Variants in BFSP1 observed in about 807,000 individuals in gnomAD.
BFSP1 encodes beaded filament structural protein 1, also known as filensin.
BFSP1 carries 38 observed loss-of-function variants against 43.9 expected under a neutral mutation model. The ratio of observed to expected loss-of-function variants is 0.87; its 90% CI spans 0.67 to 1.14. BFSP1 has a LOEUF of 1.14. Ranked by LOEUF, BFSP1 falls within the 50% of genes most tolerant of loss-of-function variation. The pLI is 0.00. For missense variants in BFSP1, 850 were observed against 875.1 expected (o/e 0.97, Z 0.36); for synonymous variants, 352 against 354.8 (o/e 0.99, Z 0.09).
intron 1 of BFSP1, among the ~76,000 whole-genome samples, chr20:17,567,730 G>A (rs1043955282): frequency 6.6e-6 from 1 of 151,958 alleles, no homozygotes; most frequent in African/African-American, 2.4e-5. Flanking sequence ...GTGTGGTGGC[G>A]CATGCCTGTA....
At chr20:17,568,901 T>C (rs2035155148) in intron 1 of BFSP1, among the ~76,000 whole-genome samples, 1 of 152,180 alleles carries the variant, frequency 6.6e-6, no homozygotes, top group African/African-American at 2.4e-5. Context: ...CCTAAATTAA[T>C]TTATAAAATT....
At chr20:17,521,673 A>C (rs2034321878) in intron 2 of BFSP1, among the ~76,000 whole-genome samples, 1 of 152,186 alleles carries the variant, frequency 6.6e-6, no homozygotes, top group Non-Finnish European at 1.5e-5. Context: ...CCTGCCCTTG[A>C]GGGACTATTT....
At chr20:17,553,867 A>G (rs2034946036) in intron 1 of BFSP1, among the ~76,000 whole-genome samples, 1 of 134,130 alleles carries the variant, frequency 7.5e-6, no homozygotes, top group African/African-American at 3.0e-5. Flanking sequence ...ATACACATAT[A>G]TATACATATA....
intron 1 of BFSP1, among the ~76,000 whole-genome samples, chr20:17,526,557 G>A (rs192740398): frequency 1.8e-4 from 27 of 152,186 alleles, no homozygotes; most frequent in East Asian, 1.7e-3. Context: ...TTTTGTTTAC[G>A]TATTCCTTTG....
intron 1 of BFSP1, among the ~76,000 whole-genome samples, chr20:17,543,737 T>A (rs932354900): frequency 6.6e-6 from 1 of 152,188 alleles, no homozygotes; most frequent in African/African-American, 2.4e-5. Flanking sequence ...CCAGTGAAGA[T>A]ATGCGAAGCA....
In BFSP1 at chr20:17,496,865, A is replaced by G. The variant is rs2033643120; in HGVS notation, c.1042+73T>C. Reference sequence around the variant, plus strand: ...TGGATCTGAAGCAAGCATGAATGTTAAAGTCAGGAAGAGAGCCGCTTGGTT... The same window carrying G: ...TGGATCTGAAGCAAGCATGAATGTTGAAGTCAGGAAGAGAGCCGCTTGGTT... On this transcript the variant is annotated intron_variant, in intron 7 of 7. Coordinates refer to ENST00000377873, the MANE Select transcript of BFSP1 (RefSeq NM_001195.5). 3 of 1,285,194 alleles carry G rather than the reference A, an allele frequency of 2.3e-6. No individual in the cohort carries two copies. The South Asian group carries it at 4.4e-5, about 19-fold the overall frequency. The allele number at this position is 1,285,194 out of a possible 1,614,324, so 79.6% of individuals were successfully genotyped here.
chr20:17,496,952 C>A lies in BFSP1; in HGVS notation c.1028G>T (p.Gly343Val). ...GGGAGCGTTACCTTTCCCACCGGAT[C>A]CAGTGCTGAGAGAGACTCCATGGCT... Reference protein sequence around the residue: ...TQSHGVSLSTGSGGKDLTRAL... With the variant: ...TQSHGVSLSTVSGGKDLTRAL... The change falls in exon 7 of 8, where the codon GGA (glycine) becomes GTA (valine). Residue 343 changes from glycine to valine, a missense_variant. Physicochemically the swap from Gly to Val is moderately radical, Grantham distance 109. Coordinates refer to ENST00000377873, the MANE Select transcript of BFSP1 (RefSeq NM_001195.5). The A allele has an allele frequency of 6.5e-7, 1 of 1,540,676 alleles. No individual in the cohort carries two copies. Among genetic ancestry groups the A allele is most frequent in the Non-Finnish European group, 8.7e-7 (1 of 1,144,066 alleles).
intron 7 of BFSP1, 62 bp from the exon 8 acceptor site, chr20:17,495,091 C>CGTTGGCACAACCCTTTGATTCAATG: frequency 6.8e-7 from 1 of 1,469,660 alleles, no homozygotes; most frequent in Non-Finnish European, 9.2e-7. Flanking sequence ...AGAAAATACG[C>CGTTGGCACAACCCTTTGATTCAATG]TGGTTGGAAA....
intron 1 of BFSP1, among the ~76,000 whole-genome samples, chr20:17,553,220 G>A (rs974354602): frequency 1.3e-5 from 2 of 152,136 alleles, no homozygotes; most frequent in Non-Finnish European, 2.9e-5. Context: ...TGTATGAGAT[G>A]AGGACTAAGA....
chr20:17,551,199 G>A (rs1336315747), intron 1 of BFSP1, among the ~76,000 whole-genome samples: 2 of 152,204 alleles, frequency 1.3e-5, no homozygotes, highest in Non-Finnish European at 1.5e-5. Flanking sequence ...GGTTCTGCAG[G>A]CTGTACAGGA....
At chr20:17,566,663 CT>C (rs898872792) in intron 1 of BFSP1, among the ~76,000 whole-genome samples, 1 of 151,324 alleles carries the variant, frequency 6.6e-6, no homozygotes, top group African/African-American at 2.4e-5. Context: ...TCTAGGACCT[CT>C]TTTTTTTTGA....
rs960783223 is a variant in BFSP1, at chr20:17,554,746, A to G, written c.2+3942T>C. ...GCTTCCAAACCTAACCCATGCAATG[A>G]CAAGAATTAGAAATTAGTTATAAAA... On this transcript the variant is annotated intron_variant, in intron 1 of 7. Transcript: ENST00000377868. 2.6e-5 allele frequency among the ~76,000 whole-genome samples: 4 copies of G among 152,344 alleles called. No homozygotes were observed. The South Asian group carries it at 6.2e-4, about 24-fold the overall frequency.
chr20:17,544,261 G>A (rs185059138), intron 1 of BFSP1, among the ~76,000 whole-genome samples: 12 of 152,310 alleles, frequency 7.9e-5, no homozygotes, highest in East Asian at 7.7e-4. Context: ...CAAGGGACGC[G>A]AAGCTGGGTA....
At chr20:17,520,903 T>A (rs1020808504) in intron 2 of BFSP1, among the ~76,000 whole-genome samples, 2 of 152,214 alleles carry the variant, frequency 1.3e-5, no homozygotes, top group Non-Finnish European at 2.9e-5. Context: ...AAGAGACACA[T>A]GAATTACATG....
At chr20:17,552,670 T>C (rs2034914587) in intron 1 of BFSP1, among the ~76,000 whole-genome samples, 1 of 152,088 alleles carries the variant, frequency 6.6e-6, no homozygotes, top group Non-Finnish European at 1.5e-5. Context: ...TAGAATTCTA[T>C]ATATATTTTG....
intron 2 of BFSP1, among the ~76,000 whole-genome samples, chr20:17,520,210 G>GCCCCCCCCCCCCC (rs138070825): frequency 3.1e-3 from 409 of 133,350 alleles, no homozygotes; most frequent in Non-Finnish European, 3.8e-3. Context: ...GTTTTAACGT[G>GCCCCCCCCCCCCC]CCCCCCCACC....
chr20:17,521,875 A>C (rs2034326193), intron 2 of BFSP1, among the ~76,000 whole-genome samples: 1 of 152,124 alleles, frequency 6.6e-6, no homozygotes, highest in South Asian at 2.1e-4. Flanking sequence ...GACCATGTGG[A>C]ATGTGGCTCT....
intron 3 of BFSP1, among the ~76,000 whole-genome samples, chr20:17,512,553 C>CA (rs2034111823): frequency 6.6e-6 from 1 of 152,202 alleles, no homozygotes; most frequent in East Asian, 1.9e-4. Flanking sequence ...CCCATTTCTA[C>CA]AAAAAATGTT....
chr20:17,510,433 C>G (rs1398723300), intron 4 of BFSP1, among the ~76,000 whole-genome samples: 1 of 152,116 alleles, frequency 6.6e-6, no homozygotes, highest in Admixed American at 6.6e-5. Flanking sequence ...AAAATTAAGG[C>G]TTCAGGAAAA....
Sources: gnomAD v4.1 joint callset for allele counts (sites outside exome capture counted in the v4.1 genomes callset) on GRCh38, gnomAD v4.1.1 for gene constraint, MANE v1.5 for transcripts, NCBI Gene and HGNC (gene_info 2026-07-23, HGNC 2026-07-21) for gene names.